SCLT1: variants seen among roughly 807,000 people sequenced by gnomAD.
SCLT1 encodes sodium channel and clathrin linker 1.
Under a neutral mutation model 112.8 loss-of-function variants are expected in SCLT1, and 78 were observed. That is an observed-to-expected ratio of 0.69 (90% CI 0.58 to 0.83). SCLT1 has a LOEUF of 0.83. SCLT1 is among the 40% of genes least tolerant of loss of function. The pLI, the probability that SCLT1 is intolerant of heterozygous loss-of-function variation, is 0.00. For synonymous variants in SCLT1, 257 were observed against 254.7 expected, an observed-to-expected ratio of 1.01 and a Z score of -0.09; for missense variants, 747 against 770.4, an observed-to-expected ratio of 0.97 and a Z score of 0.36.
intron 11 of SCLT1, among the ~76,000 whole-genome samples, chr4:128,962,449 T>A (rs1475139956): frequency 6.6e-6 from 1 of 152,186 alleles, no homozygotes; most frequent in Non-Finnish European, 1.5e-5. Context: ...AGACGTTAAT[T>A]GTATATTATG....
chr4:128,889,719 C>T (rs1365713729), intron 19 of SCLT1, among the ~76,000 whole-genome samples: 6 of 152,192 alleles, frequency 3.9e-5, no homozygotes, highest in African/African-American at 1.4e-4. Context: ...TCTCTCCACA[C>T]TTACTAGCCT....
chr4:128,963,338 A>G (rs973011122), intron 11 of SCLT1, among the ~76,000 whole-genome samples: 7 of 152,154 alleles, frequency 4.6e-5, no homozygotes, highest in Non-Finnish European at 8.8e-5. Flanking sequence ...ATAGGTATAA[A>G]TGTTGTTTAA....
chr4:129,048,465 T>C (rs1489424832), intron 2 of SCLT1, among the ~76,000 whole-genome samples: 4 of 149,248 alleles, frequency 2.7e-5, no homozygotes, highest in Admixed American at 2.0e-4. Flanking sequence ...TTACACCTTA[T>C]ACAAAAATTA....
rs1442169525 is a variant in SCLT1 at position 129,060,091 on chromosome 4, T to C, written c.103-16040A>G. Among the ~76,000 whole-genome samples the C allele has an allele frequency of 2.0e-5, 3 of 152,318 alleles. No individual in the cohort carries two copies. In the South Asian group the frequency reaches 6.2e-4, roughly 32 times the overall value. On this transcript the variant is annotated intron_variant, in intron 2 of 20. Transcript: ENST00000281142. ...ACCCGTCTTCAAGTTCTGAGATTCT[T>C]TGTTCTGCTTGATCAAGTCTCTCCT...
intron 5 of SCLT1, among the ~76,000 whole-genome samples, chr4:129,018,791 A>G (rs1452876903): frequency 6.6e-6 from 1 of 152,148 alleles, no homozygotes; most frequent in East Asian, 1.9e-4. Context: ...CTAACTCTCA[A>G]TCAACAGACC....
intron 10 of SCLT1, among the ~76,000 whole-genome samples, chr4:128,969,024 T>C (rs112438233): frequency 6.6e-6 from 1 of 152,224 alleles, no homozygotes; most frequent in African/African-American, 2.4e-5. Flanking sequence ...GATGCTTCAA[T>C]TGCACACATT....
chr4:128,954,317 G>GTTT (rs372723818), intron 13 of SCLT1, among the ~76,000 whole-genome samples: 4 of 113,762 alleles, frequency 3.5e-5, no homozygotes, highest in Non-Finnish European at 5.3e-5. Flanking sequence ...GTCTATTTTA[G>GTTT]TTTTTTTTTT....
chr4:128,986,450 A>C (rs1367672824), intron 9 of SCLT1, among the ~76,000 whole-genome samples: 1 of 152,200 alleles, frequency 6.6e-6, no homozygotes, highest in Non-Finnish European at 1.5e-5. Context: ...CACTGGTCTC[A>C]GAGGCAGTGC....
intron 18 of SCLT1, among the ~76,000 whole-genome samples, chr4:128,923,306 C>G (rs891398188): frequency 6.6e-6 from 1 of 151,816 alleles, no homozygotes; most frequent in African/African-American, 2.4e-5. Flanking sequence ...TTTAGCTGGG[C>G]GTGGTGGCAC....
intron 2 of SCLT1, among the ~76,000 whole-genome samples, chr4:129,080,582 A>G (rs1012127349): frequency 5.9e-5 from 9 of 152,140 alleles, no homozygotes; most frequent in African/African-American, 2.2e-4. Context: ...CCTAGACTTC[A>G]CTATCCGTAT....
intron 10 of SCLT1, among the ~76,000 whole-genome samples, chr4:128,969,293 C>A (rs1044721910): frequency 2.6e-4 from 40 of 152,082 alleles, no homozygotes; most frequent in African/African-American, 9.2e-4. Flanking sequence ...CTATTGCTGG[C>A]CGGGCGCGGT....
At chr4:128,923,481 C>T (rs1366940753) in intron 18 of SCLT1, among the ~76,000 whole-genome samples, 2 of 151,182 alleles carry the variant, frequency 1.3e-5, no homozygotes, top group East Asian at 3.9e-4. Flanking sequence ...AGAATAGGTC[C>T]ATTGCCCTAA....
At chr4:129,052,873 T>A (rs111697855) in intron 2 of SCLT1, among the ~76,000 whole-genome samples, 3 of 152,212 alleles carry the variant, frequency 2.0e-5, no homozygotes, top group Admixed American at 6.5e-5. Context: ...TTTGGTGCTA[T>A]AAATTTCCCT....
At chr4:128,916,686 T>C (rs2125954594) in intron 18 of SCLT1, among the ~76,000 whole-genome samples, 1 of 152,328 alleles carries the variant, frequency 6.6e-6, no homozygotes, top group South Asian at 2.1e-4. Flanking sequence ...CTTTTTCATC[T>C]ACCGTTTCAA....
rs190148550 is a variant in SCLT1 at position 129,000,682 on chromosome 4, T to C, written c.427-888A>G. 1.0e-3 allele frequency among the ~76,000 whole-genome samples: 156 copies of C among 152,044 alleles called. 3 individuals carry two copies. Among genetic ancestry groups the C allele is most frequent in the Non-Finnish European group, 3.1e-4 (21 of 67,920 alleles). ...GTCTCAGTTTTAATTTGTAATACAA[T>C]AAATACTGATAGATATGTAACCCAC... is the stretch of plus-strand genomic sequence containing the variant. On this transcript the variant is annotated intron_variant, in intron 6 of 20. Transcript: ENST00000281142.
intron 2 of SCLT1, among the ~76,000 whole-genome samples, chr4:129,062,761 G>A (rs994636967): frequency 1.3e-5 from 2 of 152,070 alleles, no homozygotes; most frequent in Non-Finnish European, 2.9e-5. Context: ...TCCATTGATT[G>A]CCTACGGAAG....
At chr4:129,039,932 A>ACACACACACACAC in intron 4 of SCLT1, 1 of 439,928 alleles carries the variant, frequency 2.3e-6, no homozygotes, top group East Asian at 3.9e-5. Flanking sequence ...ACACACACAC[A>ACACACACACACAC]AAACCCTGAA....
chr4:129,060,102 G>T (rs1749818810), intron 2 of SCLT1, among the ~76,000 whole-genome samples: 1 of 152,006 alleles, frequency 6.6e-6, no homozygotes, highest in Admixed American at 6.6e-5. Flanking sequence ...TGTTCTGCTT[G>T]ATCAAGTCTC....
intron 9 of SCLT1, among the ~76,000 whole-genome samples, chr4:128,987,185 C>T (rs1006908856): frequency 6.6e-6 from 1 of 152,176 alleles, no homozygotes; most frequent in African/African-American, 2.4e-5. Flanking sequence ...GGCCAAAACA[C>T]TCAATCTCTT....
Sources: gnomAD v4.1 joint callset for allele counts (sites outside exome capture counted in the v4.1 genomes callset) on GRCh38, gnomAD v4.1.1 for gene constraint, MANE v1.5 for transcripts, NCBI Gene and HGNC (gene_info 2026-07-23, HGNC 2026-07-21) for gene names.